Variants in SH2D7 observed in about 807,000 individuals in gnomAD.
The protein encoded by SH2D7 is SH2 domain-containing protein 7.
Under a neutral mutation model 40.8 loss-of-function variants are expected in SH2D7, and 32 were observed. The ratio of observed to expected loss-of-function variants is 0.78; its 90% CI spans 0.59 to 1.05. SH2D7 has a LOEUF of 1.05. Among genes scored for constraint, SH2D7 ranks in the 50% least tolerant of loss-of-function variants. The probability of loss-of-function intolerance (pLI) is 0.00; values close to 1 mark genes in which losing one functional copy is unlikely to be tolerated. For synonymous variants in SH2D7, 195 were observed against 221.5 expected (o/e 0.88, Z 1.06); for missense variants, 559 against 566.6 (o/e 0.99, Z 0.14).
At chr15:78,099,784 G>T (rs189071387) in intron 4 of SH2D7, among the ~76,000 whole-genome samples, 151 of 151,982 alleles carry the variant, frequency 9.9e-4, no homozygotes, top group African/African-American at 3.5e-3. Flanking sequence ...CTTTTCATTG[G>T]CTTCTTTGGC....
intron 3 of SH2D7, 85 bp downstream of exon 3, chr15:78,098,179 C>A: frequency 6.8e-7 from 1 of 1,470,626 alleles, no homozygotes; most frequent in Non-Finnish European, 9.1e-7. Context: ...TACTCCTTTT[C>A]AAGCCCTCCC....
In SH2D7 at chr15:78,101,524, C is replaced by G. The variant is rs374469724; in HGVS notation, c.1271C>G (p.Ala424Gly). The change falls in exon 5 of 6, where the codon GCA becomes GGA. Residue 424 changes from alanine to glycine, a missense_variant. Transcript: ENST00000328828. ...GGGAACACCTATGAACAGATCCCAG[C>G]AACCAAGAGCAAGGAGACTGGACGG... The part of the protein sequence containing the change: ...EPGNTYEQIP[A>G]TKSKETGRTH... 3.1e-6 allele frequency: 5 copies of G among 1,602,976 alleles called. No homozygotes were observed. Among genetic ancestry groups the G allele is most frequent in the Non-Finnish European group, 3.4e-6 (4 of 1,175,674 alleles).
At position 78,098,499 on chromosome 15, in the gene SH2D7, G is replaced by A; in HGVS notation, c.548G>A (p.Ser183Asn). 6.2e-7 allele frequency: 1 copy of A among 1,614,026 alleles called. No homozygotes were observed. Among genetic ancestry groups the A allele is most frequent in the Non-Finnish European group, 8.5e-7 (1 of 1,179,892 alleles). ...FLTVVPDKAASPRSSPKPQVS... is the reference protein window; with the variant it reads ...FLTVVPDKAANPRSSPKPQVS... The stretch of plus-strand genomic sequence containing the variant: ...ACAGTGGTCCCCGACAAGGCCGCCA[G>A]CCCCCGCTCTTCTCCAAAGCCCCAG... The change falls in exon 4 of 6, where the codon AGC (serine) becomes AAC (asparagine). Residue 183 changes from serine to asparagine, a missense_variant. Coordinates refer to ENST00000328828, the MANE Select transcript of SH2D7 (RefSeq NM_001101404.2).
In SH2D7 at chr15:78,101,200, G is replaced by C. The variant is rs1209330155; in HGVS notation, c.947G>C (p.Gly316Ala). 6.3e-7 allele frequency: 1 copy of C among 1,595,158 alleles called. No individual in the cohort carries two copies. Among genetic ancestry groups the C allele is most frequent in the East Asian group, 2.2e-5 (1 of 44,740 alleles). Reference protein sequence around the residue: ...QGPTESPTSWGCSDAMGSLGA... With the variant: ...QGPTESPTSWACSDAMGSLGA... ...CCCACAGAGTCTCCCACTTCCTGGGGATGTTCTGATGCCATGGGATCCCTG... is the reference window on the plus strand; with the variant it reads ...CCCACAGAGTCTCCCACTTCCTGGGCATGTTCTGATGCCATGGGATCCCTG... The change falls in exon 5 of 6, where the codon GGA becomes GCA. Residue 316 changes from glycine (G) to alanine (A), a missense_variant. Coordinates refer to ENST00000328828, the MANE Select transcript of SH2D7 (RefSeq NM_001101404.2).
At chr15:78,098,840 G>A (rs1033821357) in intron 4 of SH2D7, among the ~76,000 whole-genome samples, 2 of 152,210 alleles carry the variant, frequency 1.3e-5, no homozygotes, top group African/African-American at 2.4e-5. Context: ...GGCTTTAGGC[G>A]AGTCACATAA....
At chr15:78,100,391 A>G (rs575412724) in intron 4 of SH2D7, among the ~76,000 whole-genome samples, 1 of 152,242 alleles carries the variant, frequency 6.6e-6, no homozygotes, top group South Asian at 2.1e-4. Context: ...AAGGCCTTGA[A>G]TGCCAAGGTA....
intron 2 of SH2D7, among the ~76,000 whole-genome samples, chr15:78,094,640 T>C (rs1261848912): frequency 6.6e-6 from 1 of 151,996 alleles, no homozygotes; most frequent in Non-Finnish European, 1.5e-5. Flanking sequence ...CTTGGTTCCT[T>C]TGGAGGAATG....
At chr15:78,103,126 T>A (rs1195629276) in intron 5 of SH2D7, among the ~76,000 whole-genome samples, 1 of 152,094 alleles carries the variant, frequency 6.6e-6, no homozygotes, top group East Asian at 1.9e-4. Context: ...CACCCCACCC[T>A]ACCTCGGACA....
chr15:78,091,898 C>A (rs191959134), upstream of SH2D7, among the ~76,000 whole-genome samples: 1 of 152,344 alleles, frequency 6.6e-6, no homozygotes, highest in East Asian at 1.9e-4. Context: ...AAGGCTGACC[C>A]CGACCCCTGA....
chr15:78,098,310 G>A, intron 3 of SH2D7, 74 bp from the exon 4 acceptor site: 1 of 1,549,120 alleles, frequency 6.5e-7, no homozygotes, highest in South Asian at 1.1e-5. Context: ...TCTCTTACCA[G>A]CAGTCTCAGG....
At chr15:78,090,656 TCA>T (rs2073935267), upstream of SH2D7, among the ~76,000 whole-genome samples, 1 of 151,804 alleles carries the variant, frequency 6.6e-6, no homozygotes, top group Admixed American at 6.6e-5. Flanking sequence ...ATCATCATCA[TCA>T]TCATCAAATT....
At chr15:78,097,777 CA>C (rs2073982357) in intron 2 of SH2D7, among the ~76,000 whole-genome samples, 151 bp from the exon 3 acceptor site, 1 of 152,094 alleles carries the variant, frequency 6.6e-6, no homozygotes, top group Admixed American at 6.5e-5. Flanking sequence ...ACCATGGCTC[CA>C]AGTGGGGTAC....
At chr15:78,098,335 C>T in intron 3 of SH2D7, 49 bp from the exon 4 acceptor site, 1 of 1,596,308 alleles carries the variant, frequency 6.3e-7, no homozygotes, top group Non-Finnish European at 8.6e-7. Flanking sequence ...CAGCTGGAGA[C>T]TGGCTGGGCA....
intron 2 of SH2D7, among the ~76,000 whole-genome samples, chr15:78,095,832 A>AATTT (rs896091106): frequency 2.5e-4 from 38 of 152,018 alleles, no homozygotes; most frequent in Admixed American, 9.8e-4. Flanking sequence ...AATTTTTTAA[A>AATTT]ATTTATTTAT....
chr15:78,092,476 C>T, upstream of SH2D7: 1 of 1,244,230 alleles, frequency 8.0e-7, no homozygotes, highest in Non-Finnish European at 1.1e-6. Context: ...CTGCTGTGTG[C>T]TATGGGCCCT....
intron 1 of SH2D7, among the ~76,000 whole-genome samples, chr15:78,093,545 TCTTCATGC>T (rs1424316392): frequency 6.6e-6 from 1 of 152,240 alleles, no homozygotes; most frequent in African/African-American, 2.4e-5. Context: ...CTGGAACTTT[TCTTCATGC>T]CTCCAAAGTA....
rs2073986756 is a variant in SH2D7, at chr15:78,098,192, T to A, written c.432+98T>A. 15 of 1,457,320 alleles carry A rather than the reference T, an allele frequency of 1.0e-5. No individual in the cohort carries two copies. In the South Asian group the frequency reaches 2.0e-4, roughly 19 times the overall value. The allele number at this position is 1,457,320 out of a possible 1,614,324, so 90.3% of individuals were successfully genotyped here. On this transcript the variant is annotated intron_variant, in intron 3 of 5. Transcript: ENST00000328828. ...CATACTCCTTTTCAAGCCCTCCCTA[T>A]TTACTATCACCCAGGGGCACTTGGT... is the stretch of plus-strand genomic sequence containing the variant.
At chr15:78,091,329 A>G (rs1370054697), upstream of SH2D7, 1 of 152,236 alleles carries the variant, frequency 6.6e-6, no homozygotes, top group Admixed American at 6.5e-5. Context: ...ATGCCCCTTC[A>G]TTATCAACCA....
Position 78,101,114 on chromosome 15 carries a change from A to T in SH2D7, c.861A>T (p.Gly287=). The change falls in exon 5 of 6, where the codon GGA becomes GGT. Residue 287 remains glycine (G), a synonymous_variant. Coordinates refer to ENST00000328828, the MANE Select transcript of SH2D7 (RefSeq NM_001101404.2). ...AGGCCCAAAGGAGACTCTCAGATGG[A>T]GAACAGAACAGGCCTGATGGCCTGG... is the stretch of plus-strand genomic sequence containing the variant. ...GREAQRRLSD[G]EQNRPDGLGP... is the part of the protein sequence containing the mutation. The T allele has an allele frequency of 6.4e-7, 1 of 1,568,486 alleles. No homozygotes were observed. Among genetic ancestry groups the T allele is most frequent in the Non-Finnish European group, 8.6e-7 (1 of 1,161,510 alleles).
Sources: gnomAD v4.1 joint callset for allele counts (sites outside exome capture counted in the v4.1 genomes callset) on GRCh38, gnomAD v4.1.1 for gene constraint, MANE v1.5 for transcripts, NCBI Gene and HGNC (gene_info 2026-07-23, HGNC 2026-07-21) for gene names.